Variants in SSH3 observed in about 807,000 individuals in gnomAD.
SSH3 encodes the protein protein phosphatase Slingshot homolog 3.
SSH3 carries 67 observed loss-of-function variants against 75.0 expected under a neutral mutation model. The ratio of observed to expected loss-of-function variants is 0.89; its 90% CI spans 0.73 to 1.10. SSH3 has a LOEUF of 1.10. Among genes scored for constraint, SSH3 ranks in the 50% least tolerant of loss-of-function variants. The pLI is 0.00. For synonymous variants in SSH3, 318 were observed against 349.2 expected, an observed-to-expected ratio of 0.91 and a Z score of 1.00; for missense variants, 824 against 872.7, an observed-to-expected ratio of 0.94 and a Z score of 0.70.
At chr11:67,304,285 G>T in intron 2 of SSH3, 130 bp downstream of exon 2, 1 of 729,294 alleles carries the variant, frequency 1.4e-6, no homozygotes, top group Non-Finnish European at 2.2e-6. Flanking sequence ...CAAATTTGTG[G>T]GGCAGCGTTC....
intron 3 of SSH3, among the ~76,000 whole-genome samples, chr11:67,306,272 G>A (rs1276911045): frequency 6.8e-6 from 1 of 147,480 alleles, no homozygotes; most frequent in Non-Finnish European, 1.5e-5. Context: ...CTGGGTGACA[G>A]AGCAAGACTC....
chr11:67,306,161 T>C (rs1222637700), intron 3 of SSH3, among the ~76,000 whole-genome samples: 2 of 151,404 alleles, frequency 1.3e-5, no homozygotes, highest in Admixed American at 6.6e-5. Context: ...TGGTGGCGGG[T>C]GCCTGTAGTC....
intron 3 of SSH3, among the ~76,000 whole-genome samples, chr11:67,306,395 T>C (rs547439055): frequency 4.4e-4 from 66 of 151,556 alleles, no homozygotes; most frequent in African/African-American, 1.5e-3. Flanking sequence ...AGTCCAGGAG[T>C]TCAAGACCAG....
intron 13 of SSH3, among the ~76,000 whole-genome samples, chr11:67,311,155 G>A (rs1861398963): frequency 6.6e-6 from 1 of 152,188 alleles, no homozygotes; most frequent in African/African-American, 2.4e-5. Context: ...ATGGGCGGGT[G>A]TGGGCGTTGC....
chr11:67,311,679 G>T lies in SSH3; in HGVS notation c.1772G>T (p.Arg591Met). The T allele has an allele frequency of 6.2e-7, 1 of 1,614,104 alleles. No homozygotes were observed. Among genetic ancestry groups the T allele is most frequent in the South Asian group, 1.1e-5 (1 of 91,084 alleles). Residue 591 changes from arginine to methionine, a missense_variant, in exon 14 of 14, where the codon AGG becomes ATG. By Grantham distance (91) the Arg-to-Met change is moderately conservative. Coordinates refer to ENST00000308127, the MANE Select transcript of SSH3 (RefSeq NM_017857.4). ...ARTKGGQQVD[R>M]GPQPALKSRQ... ...ACCAAGGGAGGCCAGCAGGTGGACA[G>T]GGGGCCTCAGCCTGCCCTGAAGTCC... is the stretch of plus-strand genomic sequence containing the variant.
Position 67,303,894 on chromosome 11 carries a change from G to A in SSH3, c.66+203G>A, listed in dbSNP as rs1486958586. On this transcript the variant is annotated intron_variant, in intron 1 of 13. Coordinates refer to ENST00000308127, the MANE Select transcript of SSH3 (RefSeq NM_017857.4). The stretch of plus-strand genomic sequence containing the variant: ...AGCCCTGCGCGCCGCCCGGGCTGCG[G>A]AGGCCCCGATCTGAGCGCGCCCCCC... 18 of 759,972 alleles carry A rather than the reference G, an allele frequency of 2.4e-5. 2 individuals are homozygous for A. The African/African-American group carries it at 2.8e-4, about 12-fold the overall frequency. 47.1% of individuals were successfully genotyped at this position (759,972 alleles called of 1,614,324 possible).
In SSH3 at chr11:67,304,948, C is replaced by G; in HGVS notation, c.280C>G (p.Gln94Glu). ...GSQSPQKQEE[Q>E]RQHLHLMVQL... ...CCAGAGTCCCCAGAAGCAGGAGGAGCAGAGGCAGCACCTGCACCTCATGGT... is the reference window on the plus strand; with the variant it reads ...CCAGAGTCCCCAGAAGCAGGAGGAGGAGAGGCAGCACCTGCACCTCATGGT... The change falls in exon 3 of 14, where the codon CAG becomes GAG. Residue 94 changes from glutamine (Q) to glutamate (E), a missense_variant. Coordinates refer to ENST00000308127, the MANE Select transcript of SSH3 (RefSeq NM_017857.4). The G allele has an allele frequency of 6.2e-7, 1 of 1,613,558 alleles. No individual in the cohort carries two copies. Among genetic ancestry groups the G allele is most frequent in the Non-Finnish European group, 8.5e-7 (1 of 1,179,968 alleles).
rs1861335285 is a variant in SSH3, at chr11:67,308,998, T to C, written c.1062-399T>C. Among the ~76,000 whole-genome samples, 1 of 152,214 alleles carries C rather than the reference T, an allele frequency of 6.6e-6. No individual in the cohort carries two copies. The highest frequency in any genetic ancestry group is 1.5e-5 in the Non-Finnish European group (1 of 68,042). ...GAAGAAGGAACTGCCCTTCTCCCCG[T>C]GGGGACCTGGCTGCCTGCTCTGACA... is the stretch of plus-strand genomic sequence containing the variant. On this transcript the variant is annotated intron_variant, in intron 10 of 13. Transcript: ENST00000308127. This position sits in a 1 kb window ranked among gnomAD's most constrained non-coding sequence, Gnocchi z 4.9.
rs761243913 is a variant in SSH3 at position 67,304,805 on chromosome 11, T to C, written c.137T>C (p.Leu46Pro). Residue 46 changes from leucine (L) to proline (P), a missense_variant, in exon 3 of 14, where the codon CTG becomes CCG. Leu to Pro is a moderately conservative substitution (Grantham distance 98). Coordinates refer to ENST00000308127, the MANE Select transcript of SSH3 (RefSeq NM_017857.4). Reference protein sequence around the residue: ...QSFAVLRGAVLGLQDGGDNDD... With the variant: ...QSFAVLRGAVPGLQDGGDNDD... Reference sequence around the variant, plus strand: ...TTTGCGGTGCTCCGTGGGGCTGTCCTGGGACTGCAGGATGGAGGGGACAAT... The same window carrying C: ...TTTGCGGTGCTCCGTGGGGCTGTCCCGGGACTGCAGGATGGAGGGGACAAT... 3 of 1,611,586 alleles carry C rather than the reference T, an allele frequency of 1.9e-6. No homozygotes were observed. The highest frequency in any genetic ancestry group is 2.5e-6 in the Non-Finnish European group (3 of 1,179,142).
At chr11:67,303,961 G>C (rs1188506271) in intron 1 of SSH3, 157 bp from the exon 2 acceptor site, 3 of 1,034,356 alleles carry the variant, frequency 2.9e-6, no homozygotes, top group Admixed American at 3.0e-5. Flanking sequence ...CCTTGGGCCG[G>C]GGCTCCACGG....
chr11:67,308,590 C>A lies in SSH3; in HGVS notation c.1061+132C>A. The A allele has an allele frequency of 7.5e-7, 1 of 1,333,068 alleles. No individual in the cohort carries two copies. The highest frequency in any genetic ancestry group is 1.0e-6 in the Non-Finnish European group (1 of 972,520). 82.6% of individuals were successfully genotyped at this position (1,333,068 alleles called of 1,614,324 possible). ...TGCTAGCTCTGCTTCTAACTCTGTC[C>A]TGGGGCTGTTGCCCTGGTGTGGGCT... On this transcript the variant is annotated intron_variant, in intron 10 of 13. Coordinates refer to ENST00000308127, the MANE Select transcript of SSH3 (RefSeq NM_017857.4). The surrounding 1 kb of genome is among the most constrained non-coding windows in gnomAD (Gnocchi z 4.9).
At position 67,312,421 on chromosome 11, in the gene SSH3, C is replaced by T. The variant is rs958210654; in HGVS notation, c.*534C>T. 1.2e-5 allele frequency: 2 copies of T among 168,808 alleles called. No homozygotes were observed. Among genetic ancestry groups the T allele is most frequent in the South Asian group, 2.8e-4 (2 of 7,132 alleles). The allele number at this position is 168,808 out of a possible 1,614,324, so 10.5% of individuals were successfully genotyped here. On this transcript the variant is annotated 3_prime_UTR_variant, in exon 14 of 14. Transcript: ENST00000308127. ...GCAGATCGCTTCCCTCATCCACCTC[C>T]ACCGGTCCAGGTCTTTGCTGCTGTC...
Position 67,309,763 on chromosome 11 carries a change from C to T in SSH3, c.1209-5C>T. 3 of 1,612,630 alleles carry T rather than the reference C, an allele frequency of 1.9e-6. No individual in the cohort carries two copies. The highest frequency in any genetic ancestry group is 2.5e-6 in the Non-Finnish European group (3 of 1,179,970). On this transcript the variant is annotated splice_polypyrimidine_tract_variant and splice_region_variant and intron_variant, in intron 11 of 13. Coordinates refer to ENST00000308127, the MANE Select transcript of SSH3 (RefSeq NM_017857.4). The stretch of plus-strand genomic sequence containing the variant: ...GAGGGTGCTGAACCTGGCCTGCTTC[C>T]ACAGAGCACAGGGCACCCACGTGCT...
intron 3 of SSH3, 33 bp downstream of exon 3, chr11:67,305,040 G>A (rs746427282): frequency 1.3e-6 from 2 of 1,582,266 alleles, no homozygotes; most frequent in East Asian, 2.3e-5. Flanking sequence ...GGGGGGTGGG[G>A]GGAAGAGACA....
In SSH3 at chr11:67,308,204, C is replaced by T; in HGVS notation, c.916C>T (p.Leu306Phe). The T allele has an allele frequency of 2.5e-6, 4 of 1,613,938 alleles. No individual in the cohort carries two copies. The highest frequency in any genetic ancestry group is 2.2e-5 in the East Asian group (1 of 44,884). ...IRQALELRLGLPLQQYRDFID... is the reference protein window; with the variant it reads ...IRQALELRLGFPLQQYRDFID... The stretch of plus-strand genomic sequence containing the variant: ...CCAGGCTCTGGAGCTGCGCCTGGGG[C>T]TCCCCCTCCAGCAGTACCGTGACTT... Residue 306 changes from leucine (L) to phenylalanine (F), a missense_variant, in exon 9 of 14, where the codon CTC becomes TTC. Leu to Phe is a conservative substitution (Grantham distance 22). Coordinates refer to ENST00000308127, the MANE Select transcript of SSH3 (RefSeq NM_017857.4). This position sits in a 1 kb window ranked among gnomAD's most constrained non-coding sequence, Gnocchi z 4.9.
rs1565087755 is a variant in SSH3 at position 67,304,991 on chromosome 11, AG to A, written c.325del (p.Asp109MetfsTer22). The A allele has an allele frequency of 6.2e-7, 1 of 1,611,438 alleles. No individual in the cohort carries two copies. The highest frequency in any genetic ancestry group is 1.1e-5 in the South Asian group (1 of 90,878). On this transcript the variant is annotated frameshift_variant, in exon 3 of 14. Coordinates refer to ENST00000308127, the MANE Select transcript of SSH3 (RefSeq NM_017857.4). LOFTEE classifies it high-confidence loss of function. ...CTCATGGTACAGCTGCTGAGGCCGCAGGATGACATCCGCCTGGTGAGGGCCC... is the reference window on the plus strand; with the variant it reads ...CTCATGGTACAGCTGCTGAGGCCGCAGATGACATCCGCCTGGTGAGGGCCC... ...LHLMVQLLRP[Q>X]DDIRLAAQLE... is the part of the protein sequence containing the mutation.
At position 67,310,360 on chromosome 11, in the gene SSH3, G is replaced by A. The variant is rs751804878; in HGVS notation, c.1683+21G>A. 1.5e-5 allele frequency: 23 copies of A among 1,584,182 alleles called. No individual in the cohort carries two copies. The African/African-American group carries it at 1.9e-4, about 13-fold the overall frequency. ...CAGAGGTGAGGCTGGGGCTGGGGGA[G>A]CTCAGCTTGCAGGGGTGGGGGCCAT... On this transcript the variant is annotated intron_variant, in intron 13 of 13. Transcript: ENST00000308127.
rs1434273909 is a variant in SSH3, at chr11:67,303,944, G to A, written c.67-174G>A. ...CGCCACACTCGGCGCCCACCCAGCC[G>A]ACCTGGCCTTGGGCCGGGGCTCCAC... On this transcript the variant is annotated intron_variant, in intron 1 of 13. Coordinates refer to ENST00000308127, the MANE Select transcript of SSH3 (RefSeq NM_017857.4). 7 of 925,484 alleles carry A rather than the reference G, an allele frequency of 7.6e-6. No homozygotes were observed. In the African/African-American group the frequency reaches 1.2e-4, roughly 16 times the overall value. The allele number at this position is 925,484 out of a possible 1,614,324, so 57.3% of individuals were successfully genotyped here.
Position 67,304,935 on chromosome 11 carries a change from G to A in SSH3, c.267G>A (p.Gln89=), listed in dbSNP as rs1287952851. The A allele has an allele frequency of 1.2e-6, 2 of 1,613,722 alleles. No individual in the cohort carries two copies. Among genetic ancestry groups the A allele is most frequent in the East Asian group, 4.5e-5 (2 of 44,866 alleles). ...TCGGGCAAGGATCCCAGAGTCCCCAGAAGCAGGAGGAGCAGAGGCAGCACC... is the reference window on the plus strand; with the variant it reads ...TCGGGCAAGGATCCCAGAGTCCCCAAAAGCAGGAGGAGCAGAGGCAGCACC... The part of the protein sequence containing the change: ...TDFGQGSQSP[Q]KQEEQRQHLH... Residue 89 remains glutamine (Q), a synonymous_variant, in exon 3 of 14, where the codon CAG becomes CAA. Transcript: ENST00000308127.
Sources: allele counts gnomAD v4.1 joint callset (sites outside exome capture counted in the v4.1 genomes callset), GRCh38; gene constraint gnomAD v4.1.1; non-coding constraint Gnocchi (gnomAD v3.1); transcripts MANE v1.5; gene names NCBI Gene and HGNC (gene_info 2026-07-23, HGNC 2026-07-21).